The following FRMD3 variants were observed in gnomAD, a reference collection of about 807,000 sequenced individuals.
FRMD3 encodes the protein FERM domain-containing protein 3.
Under a neutral mutation model 70.2 loss-of-function variants are expected in FRMD3, and 33 were observed. The ratio of observed to expected loss-of-function variants is 0.47; its 90% CI spans 0.36 to 0.63. The LOEUF is 0.63. Among genes scored for constraint, FRMD3 ranks in the 20% least tolerant of loss-of-function variants. FRMD3 has a pLI of 0.00. For synonymous variants in FRMD3, 279 were observed against 255.9 expected (o/e 1.09, Z -0.86); for missense variants, 632 against 711.4 (o/e 0.89, Z 1.27).
chr9:83,558,811 C>G, the FRMD3 span, among the ~76,000 whole-genome samples: 1 of 152,192 alleles, frequency 6.6e-6, no homozygotes. Context: ...TTTCAATCCA[C>G]ATGGATGACT....
At chr9:83,517,343 C>T (rs1829475727) in intron 1 of FRMD3, among the ~76,000 whole-genome samples, 1 of 151,954 alleles carries the variant, frequency 6.6e-6, no homozygotes, top group African/African-American at 2.4e-5. Flanking sequence ...ACTATAAACA[C>T]CTCTATGCAA....
At position 83,372,963 on chromosome 9, in the gene FRMD3, G is replaced by GAAA; in HGVS notation, c.253-9_253-8insTTT. ...GTTAGGTTCAAGCCAGTGCTAGGGA[G>GAAA]GAAAAAAAAAAAAGCAGAGATCAGG... On this transcript the variant is annotated splice_polypyrimidine_tract_variant and intron_variant, in intron 2 of 13. Coordinates refer to ENST00000304195, the MANE Select transcript of FRMD3 (RefSeq NM_174938.6). The GAAA allele has an allele frequency of 6.4e-7, 1 of 1,553,416 alleles. No individual in the cohort carries two copies. The highest frequency in any genetic ancestry group is 1.9e-5 in the Admixed American group (1 of 51,990).
chr9:83,450,999 C>G (rs890727047), intron 1 of FRMD3, among the ~76,000 whole-genome samples: 2 of 152,212 alleles, frequency 1.3e-5, no homozygotes, highest in African/African-American at 4.8e-5. Context: ...CATCAGCAAT[C>G]CACTGCAAAA....
intron 12 of FRMD3, among the ~76,000 whole-genome samples, chr9:83,295,747 G>C (rs1319544460): frequency 6.6e-6 from 1 of 152,186 alleles, no homozygotes. Flanking sequence ...GCTATGCCCA[G>C]GTGGCTCACA....
the FRMD3 span, among the ~76,000 whole-genome samples, chr9:83,544,064 A>C: frequency 1.3e-5 from 2 of 152,156 alleles, no homozygotes; most frequent in African/African-American, 4.8e-5. Context: ...CTCTGTACAG[A>C]CAGTGGCAGC....
At chr9:83,304,774 A>T (rs1835059543) in intron 10 of FRMD3, among the ~76,000 whole-genome samples, 1 of 152,242 alleles carries the variant, frequency 6.6e-6, no homozygotes. Flanking sequence ...TCAGTGAACC[A>T]GCACCCAGAA....
intron 1 of FRMD3, among the ~76,000 whole-genome samples, chr9:83,480,658 G>A (rs1362329865): frequency 6.6e-6 from 1 of 152,078 alleles, no homozygotes; most frequent in African/African-American, 2.4e-5. Flanking sequence ...ACCACACCCA[G>A]CTAATTCTGT....
chr9:83,516,743 G>T (rs764838062), intron 1 of FRMD3, among the ~76,000 whole-genome samples: 6 of 152,088 alleles, frequency 3.9e-5, no homozygotes, highest in Non-Finnish European at 7.4e-5. Flanking sequence ...CTCAGCAAAT[G>T]AAAAAGAATG....
At chr9:83,487,711 G>A (rs12350888) in intron 1 of FRMD3, among the ~76,000 whole-genome samples, 2,233 of 152,250 alleles carry the variant, frequency 0.015, 53 homozygotes, top group African/African-American at 0.051. Flanking sequence ...ACATGCAACA[G>A]TGAAAATGTG....
intron 1 of FRMD3, among the ~76,000 whole-genome samples, chr9:83,469,266 C>T (rs558371621): frequency 5.3e-5 from 8 of 152,298 alleles, no homozygotes; most frequent in South Asian, 2.1e-4. Flanking sequence ...AGTAGCAGTT[C>T]GCTGCTGAGG....
At chr9:83,356,425 G>A (rs1824344705) in intron 3 of FRMD3, among the ~76,000 whole-genome samples, 1 of 151,680 alleles carries the variant, frequency 6.6e-6, no homozygotes, top group South Asian at 2.1e-4. Flanking sequence ...ACAGGCACCC[G>A]CCACCACTTC....
At chr9:83,331,549 G>GTGTA (rs1836271649) in intron 6 of FRMD3, among the ~76,000 whole-genome samples, 1 of 152,138 alleles carries the variant, frequency 6.6e-6, no homozygotes, top group Admixed American at 6.5e-5. Flanking sequence ...AACCCATAGA[G>GTGTA]TGTACACCAA....
At chr9:83,479,378 A>AG (rs1828477717) in intron 1 of FRMD3, among the ~76,000 whole-genome samples, 1 of 136,930 alleles carries the variant, frequency 7.3e-6, no homozygotes, top group Non-Finnish European at 1.6e-5. Flanking sequence ...GAAGAGGAGG[A>AG]GGAGGAGAAA....
At chr9:83,441,684 G>A (rs183480718) in intron 1 of FRMD3, among the ~76,000 whole-genome samples, 22 of 152,190 alleles carry the variant, frequency 1.4e-4, no homozygotes, top group Non-Finnish European at 7.4e-5. Context: ...TAAATAGTAG[G>A]CAGCACCCCC....
At chr9:83,475,063 C>T (rs1828362333) in intron 1 of FRMD3, among the ~76,000 whole-genome samples, 1 of 152,060 alleles carries the variant, frequency 6.6e-6, no homozygotes, top group East Asian at 1.9e-4. Flanking sequence ...AAGAATACAC[C>T]ATCAAGAGCC....
rs765087423 is a variant in FRMD3, at chr9:83,538,271, G to C, written c.-40C>G. ...GGGAGCGAGCGGGAGGCTCAGGGCC[G>C]GCGCGGTGCTCGCCTGCGCGGACAC... On this transcript the variant is annotated 5_prime_UTR_variant, in exon 1 of 14. Coordinates refer to ENST00000304195, the MANE Select transcript of FRMD3 (RefSeq NM_174938.6). This position sits in a 1 kb window ranked among gnomAD's most constrained non-coding sequence, Gnocchi z 4.7. The C allele has an allele frequency of 6.5e-7, 1 of 1,531,140 alleles. No homozygotes were observed. The highest frequency in any genetic ancestry group is 2.5e-5 in the East Asian group (1 of 40,726). 94.8% of individuals were successfully genotyped at this position (1,531,140 alleles called of 1,614,324 possible).
At chr9:83,325,674 T>C (rs973744262) in intron 6 of FRMD3, among the ~76,000 whole-genome samples, 1 of 152,168 alleles carries the variant, frequency 6.6e-6, no homozygotes, top group African/African-American at 2.4e-5. Context: ...ACATTGCCAT[T>C]TATCAATGAT....
chr9:83,376,285 T>C (rs887485962), intron 2 of FRMD3, among the ~76,000 whole-genome samples: 3 of 151,914 alleles, frequency 2.0e-5, no homozygotes, highest in Admixed American at 6.6e-5. Flanking sequence ...TGCAATATTA[T>C]ATAAAATTAC....
chr9:83,344,676 C>T (rs187238980), intron 4 of FRMD3, among the ~76,000 whole-genome samples: 4 of 152,278 alleles, frequency 2.6e-5, no homozygotes, highest in Admixed American at 2.6e-4. Flanking sequence ...GGTTCTCAGG[C>T]CTTTGAACTA....
Sources: gnomAD v4.1 joint callset for allele counts (sites outside exome capture counted in the v4.1 genomes callset) on GRCh38, gnomAD v4.1.1 for gene constraint, Gnocchi (gnomAD v3.1) non-coding constraint, MANE v1.5 for transcripts, NCBI Gene and HGNC (gene_info 2026-07-23, HGNC 2026-07-21) for gene names.